Variants in CCDC91 observed in about 807,000 individuals in gnomAD.
CCDC91 encodes coiled-coil domain containing 91, also known as coiled-coil domain-containing protein 91.
A neutral mutation model predicts 63.2 loss-of-function variants in CCDC91; 48 were observed. The observed-to-expected ratio is 0.76, with a 90% confidence interval of 0.60 to 0.97. The LOEUF (loss-of-function observed/expected upper bound fraction) is 0.97, where lower values mean the gene tolerates loss of function less well. CCDC91 is among the 50% of genes least tolerant of loss of function. The probability of loss-of-function intolerance (pLI) is 0.00; values close to 1 mark genes in which losing one functional copy is unlikely to be tolerated. For missense variants in CCDC91, 500 were observed against 494.6 expected (o/e 1.01, Z -0.10); for synonymous variants, 167 against 165.8 (o/e 1.01, Z -0.06).
intron 12 of CCDC91, among the ~76,000 whole-genome samples, chr12:28,527,623 T>TGG (rs137912051): frequency 1.7e-3 from 262 of 151,680 alleles, no homozygotes; most frequent in African/African-American, 4.8e-3. Context: ...TATGGGAGTA[T>TGG]GGGGGGGGAA....
chr12:28,206,473 C>T (rs1486274684), intron 1 of CCDC91, among the ~76,000 whole-genome samples: 1 of 152,084 alleles, frequency 6.6e-6, no homozygotes, highest in Non-Finnish European at 1.5e-5. Context: ...ATACAGTGCA[C>T]TAGGGAGACT....
chr12:28,411,140 C>T (rs1455774354), intron 8 of CCDC91, among the ~76,000 whole-genome samples: 1 of 151,968 alleles, frequency 6.6e-6, no homozygotes, highest in Non-Finnish European at 1.5e-5. Flanking sequence ...TAATTAGTTC[C>T]ACTGTGGTTA....
chr12:28,490,114 G>T (rs1220353182), intron 12 of CCDC91, among the ~76,000 whole-genome samples: 1 of 151,798 alleles, frequency 6.6e-6, no homozygotes, highest in Non-Finnish European at 1.5e-5. Context: ...ATAAATTAGT[G>T]TAGGAAAATG....
intron 3 of CCDC91, among the ~76,000 whole-genome samples, chr12:28,272,053 T>C (rs941130895): frequency 1.3e-5 from 2 of 151,926 alleles, no homozygotes; most frequent in African/African-American, 4.8e-5. Context: ...ACGTAGATAT[T>C]ACTCCGCCAT....
chr12:28,365,418 A>C (rs1014150746), intron 7 of CCDC91, among the ~76,000 whole-genome samples: 2 of 152,198 alleles, frequency 1.3e-5, no homozygotes, highest in African/African-American at 2.4e-5. Context: ...AAAAACAGCT[A>C]AGCACACTCA....
chr12:28,447,928 C>T (rs1470144123), intron 8 of CCDC91, among the ~76,000 whole-genome samples: 6 of 151,336 alleles, frequency 4.0e-5, no homozygotes, highest in African/African-American at 7.3e-5. Context: ...GCAATTTGTT[C>T]AGGAAACATC....
intron 8 of CCDC91, among the ~76,000 whole-genome samples, chr12:28,428,425 C>G (rs1433896847): frequency 6.6e-6 from 1 of 151,664 alleles, no homozygotes; most frequent in African/African-American, 2.4e-5. Flanking sequence ...ACAAAATTAG[C>G]CAGGCTTGGT....
At chr12:28,401,647 C>G (rs1946629071) in intron 8 of CCDC91, among the ~76,000 whole-genome samples, 1 of 152,072 alleles carries the variant, frequency 6.6e-6, no homozygotes, top group African/African-American at 2.4e-5. Context: ...GGAAATTGCC[C>G]CCATGATTCA....
At position 28,305,698 on chromosome 12, in the gene CCDC91, TG is replaced by T; in HGVS notation, c.160del (p.Asp54ThrfsTer28). 6.2e-7 allele frequency: 1 copy of T among 1,613,512 alleles called. No individual in the cohort carries two copies. Among genetic ancestry groups the T allele is most frequent in the South Asian group, 1.1e-5 (1 of 91,068 alleles). ...CTTCTCCTGAGATTGTACTGGACCG[TG>T]ACCACTCTTCTTCCATTGGCTGCCT... ...PSSPEIVLDRDHSSSIGCLSS... is the reference protein window; with the variant it reads ...PSSPEIVLDRXHSSSIGCLSS... On this transcript the variant is annotated frameshift_variant, in exon 4 of 13. Coordinates refer to ENST00000536442, the MANE Select transcript of CCDC91 (RefSeq NM_018318.5). LOFTEE classifies it high-confidence loss of function.
chr12:28,236,275 T>TGC (rs1730064824), intron 1 of CCDC91: 1 of 152,116 alleles, frequency 6.6e-6, no homozygotes, highest in African/African-American at 2.4e-5. Flanking sequence ...CCATTTTGTA[T>TGC]AAATATTATG....
chr12:28,386,402 C>T (rs2139189092), intron 7 of CCDC91, among the ~76,000 whole-genome samples: 1 of 152,160 alleles, frequency 6.6e-6, no homozygotes, highest in South Asian at 2.1e-4. Flanking sequence ...GAGTCTTGGT[C>T]TTGTCGCCCA....
intron 8 of CCDC91, among the ~76,000 whole-genome samples, chr12:28,441,175 G>C (rs1416234912): frequency 6.6e-6 from 1 of 150,616 alleles, no homozygotes; most frequent in African/African-American, 2.4e-5. Flanking sequence ...TGGAAATTCA[G>C]TTTAAAACCA....
intron 6 of CCDC91, among the ~76,000 whole-genome samples, chr12:28,326,112 G>A (rs556256983): frequency 3.3e-5 from 5 of 152,104 alleles, no homozygotes; most frequent in African/African-American, 9.6e-5. Flanking sequence ...AGAGATATTT[G>A]TGGCAATCTG....
chr12:28,303,253 T>C (rs1343169282), intron 3 of CCDC91, among the ~76,000 whole-genome samples: 2 of 152,092 alleles, frequency 1.3e-5, no homozygotes, highest in Non-Finnish European at 2.9e-5. Flanking sequence ...TTATGAACTG[T>C]TGAAGAATTT....
intron 11 of CCDC91, among the ~76,000 whole-genome samples, chr12:28,471,868 G>A (rs1448692801): frequency 6.6e-6 from 1 of 151,948 alleles, no homozygotes; most frequent in African/African-American, 2.4e-5. Flanking sequence ...TCGTACCTCA[G>A]CCTCCCTGAG....
chr12:28,251,774 A>G (rs1170987447), intron 1 of CCDC91, among the ~76,000 whole-genome samples: 1 of 152,130 alleles, frequency 6.6e-6, no homozygotes, highest in Non-Finnish European at 1.5e-5. Flanking sequence ...TTTCTTGAAT[A>G]CATGTCTCAG....
At chr12:28,381,595 G>T (rs1289634408) in intron 7 of CCDC91, among the ~76,000 whole-genome samples, 2 of 152,046 alleles carry the variant, frequency 1.3e-5, no homozygotes, top group South Asian at 2.1e-4. Context: ...ATAGCAATCG[G>T]AGGCAAATTC....
chr12:28,314,942 T>C (rs757873387), intron 6 of CCDC91, among the ~76,000 whole-genome samples: 13 of 151,980 alleles, frequency 8.6e-5, no homozygotes, highest in Non-Finnish European at 1.5e-4. Context: ...GCTAATTGAA[T>C]GATTGAATTA....
intron 1 of CCDC91, chr12:28,236,959 C>T (rs1944989122): frequency 6.6e-6 from 1 of 151,834 alleles, no homozygotes; most frequent in South Asian, 2.1e-4. Flanking sequence ...TTTATGTCCC[C>T]CTTTAATCTG....
Sources: allele counts gnomAD v4.1 joint callset (sites outside exome capture counted in the v4.1 genomes callset), GRCh38; gene constraint gnomAD v4.1.1; transcripts MANE v1.5; gene names NCBI Gene and HGNC (gene_info 2026-07-23, HGNC 2026-07-21).